Variants in NMI observed in about 807,000 individuals in gnomAD.
NMI encodes the protein N-myc-interactor.
NMI carries 39 observed loss-of-function variants against 34.3 expected under a neutral mutation model. The observed-to-expected ratio is 1.14, with a 90% confidence interval of 0.88 to 1.49. The LOEUF (loss-of-function observed/expected upper bound fraction) is 1.49, where lower values mean the gene tolerates loss of function less well. Among genes scored for constraint, NMI ranks in the 40% most tolerant of loss-of-function variants. NMI has a pLI of 0.00. For synonymous variants in NMI, 113 were observed against 120.3 expected, an observed-to-expected ratio of 0.94 and a Z score of 0.40; for missense variants, 339 against 358.1, an observed-to-expected ratio of 0.95 and a Z score of 0.43.
In NMI at chr2:151,278,896, TGAAAC is replaced by T. The variant is rs1265136663; in HGVS notation, c.267_271del (p.Phe90SerfsTer8). 1 of 1,613,312 alleles carries T rather than the reference TGAAAC, an allele frequency of 6.2e-7. No individual in the cohort carries two copies. The highest frequency in any genetic ancestry group is 1.3e-5 in the African/African-American group (1 of 74,934). ...CTCATAAGGAACTTTCGAGCTCACT[TGAAAC>T]GAACAGGAGATATTTGACAACTGGC... On this transcript the variant is annotated frameshift_variant, in exon 4 of 8. Transcript: ENST00000243346. LOFTEE classifies it high-confidence loss of function.
At chr2:151,279,511 T>C (rs1245685554) in intron 3 of NMI, among the ~76,000 whole-genome samples, 1 of 152,170 alleles carries the variant, frequency 6.6e-6, no homozygotes, top group East Asian at 1.9e-4. Context: ...AGAGTCTCAC[T>C]CTGTTGCCAG....
At chr2:151,281,674 T>C (rs984568093) in intron 3 of NMI, among the ~76,000 whole-genome samples, 2 of 152,174 alleles carry the variant, frequency 1.3e-5, no homozygotes, top group Non-Finnish European at 2.9e-5. Flanking sequence ...TGTGTTAACA[T>C]TGTGTTTATG....
chr2:151,280,144 G>A (rs181563559), intron 3 of NMI, among the ~76,000 whole-genome samples: 54 of 145,620 alleles, frequency 3.7e-4, no homozygotes, highest in African/African-American at 1.3e-3. Flanking sequence ...GTAGTGAACC[G>A]AGATCGCACC....
At chr2:151,271,827 A>G (rs1373297864) in intron 6 of NMI, 95 bp from the exon 7 acceptor site, 4 of 633,722 alleles carry the variant, frequency 6.3e-6, no homozygotes, top group Non-Finnish European at 1.1e-5. Flanking sequence ...CTATTACAGT[A>G]AATATTGAGT....
rs80140260 is a variant in NMI, at chr2:151,288,564, AGT to A, written c.-7+1027_-7+1028del. Among the ~76,000 whole-genome samples, 644 of 149,556 alleles carry A rather than the reference AGT, an allele frequency of 4.3e-3. 11 individuals are homozygous for A. Among genetic ancestry groups the A allele is most frequent in the South Asian group, 5.4e-3 (25 of 4,660 alleles). On this transcript the variant is annotated intron_variant, in intron 1 of 7. Coordinates refer to ENST00000243346, the MANE Select transcript of NMI (RefSeq NM_004688.3). Reference sequence around the variant, plus strand: ...CCTAAGATAGTAAATTGTGTATGTGAGTGTGTGTGTGTGTGTGTGTGTGCGCG... The same window carrying A: ...CCTAAGATAGTAAATTGTGTATGTGAGTGTGTGTGTGTGTGTGTGTGCGCG...
chr2:151,286,769 T>C (rs998401934), intron 1 of NMI, among the ~76,000 whole-genome samples: 3 of 152,200 alleles, frequency 2.0e-5, no homozygotes, highest in African/African-American at 7.2e-5. Context: ...TTCGAGTCCC[T>C]TGAATTCCTT....
chr2:151,283,005 T>A (rs534820681), intron 1 of NMI, 51 bp from the exon 2 acceptor site: 1 of 890,928 alleles, frequency 1.1e-6, no homozygotes, highest in East Asian at 3.0e-5. Flanking sequence ...TACACAAATT[T>A]AAGAACAAAG....
rs144402015 is a variant in NMI, at chr2:151,276,723, G to C, written c.341-859C>G. On this transcript the variant is annotated intron_variant, in intron 4 of 7. Transcript: ENST00000243346. ...AGAGCAATATATATTCATTTGCTCTGTCTTCTCAAGGATTACATGTTAAAG... is the reference window on the plus strand; with the variant it reads ...AGAGCAATATATATTCATTTGCTCTCTCTTCTCAAGGATTACATGTTAAAG... Among the ~76,000 whole-genome samples, 6 of 152,262 alleles carry C rather than the reference G, an allele frequency of 3.9e-5. No individual in the cohort carries two copies. The South Asian group carries it at 1.2e-3, about 32-fold the overall frequency.
At chr2:151,286,465 G>A (rs760557366) in intron 1 of NMI, among the ~76,000 whole-genome samples, 2 of 152,106 alleles carry the variant, frequency 1.3e-5, no homozygotes, top group East Asian at 3.9e-4. Context: ...ACTGATACCC[G>A]GAAGTATGGC....
intron 3 of NMI, 69 bp from the exon 4 acceptor site, chr2:151,279,059 T>C: frequency 9.5e-7 from 1 of 1,054,916 alleles, no homozygotes; most frequent in Non-Finnish European, 1.4e-6. Flanking sequence ...AATGATAATG[T>C]AATTTGGTCA....
intron 4 of NMI, chr2:151,277,847 T>TC (rs919132229): frequency 2.6e-5 from 4 of 152,218 alleles, no homozygotes; most frequent in African/African-American, 9.7e-5. Flanking sequence ...CACCATCTGG[T>TC]CCCTCACCAC....
At chr2:151,277,700 G>T (rs550885469) in intron 4 of NMI, 4 of 152,124 alleles carry the variant, frequency 2.6e-5, no homozygotes, top group Non-Finnish European at 5.9e-5. Context: ...ACACACTGGC[G>T]ATGCATGTCT....
chr2:151,280,240 C>T (rs1377111077), intron 3 of NMI, among the ~76,000 whole-genome samples: 1 of 150,096 alleles, frequency 6.7e-6, no homozygotes, highest in Non-Finnish European at 1.5e-5. Flanking sequence ...GGTGGTTATA[C>T]TTAGCTGCTT....
At chr2:151,281,404 T>G (rs570550943) in intron 3 of NMI, among the ~76,000 whole-genome samples, 1 of 152,364 alleles carries the variant, frequency 6.6e-6, no homozygotes, top group Admixed American at 6.5e-5. Flanking sequence ...ATTAATTTTT[T>G]GTTTTTGTAA....
chr2:151,271,745 CA>C lies in NMI; in HGVS notation c.635-14del. ...ATCTTGTCAGCCACTAAAAGCAAAACAAAAACAATACTTGTCTTTTTTATAT... is the reference window on the plus strand; with the variant it reads ...ATCTTGTCAGCCACTAAAAGCAAAACAAAACAATACTTGTCTTTTTTATAT... On this transcript the variant is annotated splice_polypyrimidine_tract_variant and intron_variant, in intron 6 of 7. Transcript: ENST00000243346. 8.0e-7 allele frequency: 1 copy of C among 1,256,792 alleles called. No homozygotes were observed. The highest frequency in any genetic ancestry group is 1.2e-6 in the Non-Finnish European group (1 of 867,714). The allele number at this position is 1,256,792 out of a possible 1,614,324, so 77.9% of individuals were successfully genotyped here.
chr2:151,278,786 C>T, intron 4 of NMI, 42 bp downstream of exon 4: 3 of 1,494,156 alleles, frequency 2.0e-6, no homozygotes, highest in South Asian at 2.3e-5. Flanking sequence ...TATGAAAGTG[C>T]TTTCCAAATA....
rs1683164434 is a variant in NMI at position 151,270,551 on chromosome 2, C to T, written c.*142G>A. On this transcript the variant is annotated 3_prime_UTR_variant, in exon 8 of 8. Transcript: ENST00000243346. ...ATTTGAAACAAAGAAGATTCAGAAA[C>T]ATGGAAATAAGTTTTGTATCTAAAC... The T allele has an allele frequency of 1.5e-6, 1 of 649,644 alleles. No individual in the cohort carries two copies. Among genetic ancestry groups the T allele is most frequent in the African/African-American group, 1.8e-5 (1 of 54,326 alleles). The allele number at this position is 649,644 out of a possible 1,614,324, so 40.2% of individuals were successfully genotyped here.
At position 151,275,471 on chromosome 2, in the gene NMI, C is replaced by T; in HGVS notation, c.634+13G>A. The T allele has an allele frequency of 1.2e-6, 2 of 1,610,100 alleles. No homozygotes were observed. Among genetic ancestry groups the T allele is most frequent in the Non-Finnish European group, 1.7e-6 (2 of 1,177,524 alleles). On this transcript the variant is annotated intron_variant, in intron 6 of 7. Coordinates refer to ENST00000243346, the MANE Select transcript of NMI (RefSeq NM_004688.3). ...TGGCAGAGTGTCTGTTAACCTTCTACACCCTTGAGTACCTCCAATCTCCAC... is the reference window on the plus strand; with the variant it reads ...TGGCAGAGTGTCTGTTAACCTTCTATACCCTTGAGTACCTCCAATCTCCAC...
intron 7 of NMI, among the ~76,000 whole-genome samples, chr2:151,271,372 T>A (rs963802955): frequency 2.6e-5 from 4 of 152,220 alleles, no homozygotes. Flanking sequence ...TATGTCTCCA[T>A]GTACAAAAAT....
Sources: allele counts gnomAD v4.1 joint callset (sites outside exome capture counted in the v4.1 genomes callset), GRCh38; gene constraint gnomAD v4.1.1; transcripts MANE v1.5; gene names NCBI Gene and HGNC (gene_info 2026-07-23, HGNC 2026-07-21).